Variants in ZNF385D observed in about 807,000 individuals in gnomAD.
ZNF385D encodes zinc finger protein 659.
In ZNF385D, 15 loss-of-function variants were observed where a neutral mutation model predicts 35.8. The ratio of observed to expected loss-of-function variants is 0.42; its 90% CI spans 0.28 to 0.64. The LOEUF is 0.64. ZNF385D is among the 30% of genes least tolerant of loss of function. ZNF385D has a pLI of 0.23. For synonymous variants in ZNF385D, 212 were observed against 186.8 expected (o/e 1.13, Z -1.10); for missense variants, 474 against 494.6 (o/e 0.96, Z 0.39).
At chr3:22,225,420 G>A (rs9837348) in intron 2 of ZNF385D, among the ~76,000 whole-genome samples, 14,906 of 152,174 alleles carry the variant, frequency 0.098, 1,957 homozygotes, top group African/African-American at 0.3. Context: ...TGGCAGGTCA[G>A]AAGTGCCAGA....
Position 22,300,631 on chromosome 3 carries a change from T to C in ZNF385D, c.106+71819A>G, listed in dbSNP as rs150616935. 1.4e-3 allele frequency among the ~76,000 whole-genome samples: 216 copies of C among 151,916 alleles called. 1 individual carries two copies. Among genetic ancestry groups the C allele is most frequent in the African/African-American group, 4.9e-3 (203 of 41,490 alleles). On this transcript the variant is annotated intron_variant, in intron 2 of 5. Transcript: ENST00000494108. ...ACCCAATTTATAAATGGGTAAAGGA[T>C]AGAAATAGACATTTTTCTAAAGAAG...
intron 3 of ZNF385D, among the ~76,000 whole-genome samples, chr3:21,892,610 G>T (rs1436785458): frequency 6.6e-6 from 1 of 152,076 alleles, no homozygotes; most frequent in East Asian, 1.9e-4. Flanking sequence ...ACCAAAACAA[G>T]TCCTATTTAT....
At chr3:22,248,500 A>G (rs1243454394) in intron 2 of ZNF385D, among the ~76,000 whole-genome samples, 1 of 152,168 alleles carries the variant, frequency 6.6e-6, no homozygotes, top group East Asian at 1.9e-4. Flanking sequence ...TTATTTATAT[A>G]CAATTTAGAC....
At chr3:21,820,026 T>C (rs1040782027) in intron 3 of ZNF385D, among the ~76,000 whole-genome samples, 7 of 151,146 alleles carry the variant, frequency 4.6e-5, no homozygotes, top group Non-Finnish European at 1.0e-4. Flanking sequence ...ATTTTAGTAA[T>C]AGATTAAGCA....
intron 2 of ZNF385D, among the ~76,000 whole-genome samples, chr3:22,284,494 C>T (rs1486592708): frequency 6.6e-6 from 1 of 151,910 alleles, no homozygotes; most frequent in Non-Finnish European, 1.5e-5. Flanking sequence ...CTGTCCCCAA[C>T]ACAGGATTTT....
intron 3 of ZNF385D, among the ~76,000 whole-genome samples, chr3:21,857,630 C>A (rs1323312878): frequency 1.3e-5 from 2 of 151,760 alleles, no homozygotes; most frequent in African/African-American, 4.8e-5. Context: ...GAGTTGCAGC[C>A]TCAGAGGGAA....
At chr3:22,248,275 A>T (rs899671119) in intron 2 of ZNF385D, among the ~76,000 whole-genome samples, 1 of 152,164 alleles carries the variant, frequency 6.6e-6, no homozygotes, top group African/African-American at 2.4e-5. Flanking sequence ...AAGACCACAC[A>T]CAGTTGTATG....
chr3:22,147,273 T>A (rs892921861), intron 3 of ZNF385D, among the ~76,000 whole-genome samples: 1 of 152,188 alleles, frequency 6.6e-6, no homozygotes, highest in African/African-American at 2.4e-5. Flanking sequence ...AATAACCATG[T>A]CTCTCCTACT....
At chr3:22,011,171 ACT>A (rs1025363186) in intron 3 of ZNF385D, among the ~76,000 whole-genome samples, 18 of 152,250 alleles carry the variant, frequency 1.2e-4, no homozygotes, top group African/African-American at 3.8e-4. Context: ...AGAAAATTCC[ACT>A]GTTTATTGTT....
At chr3:21,837,057 C>G (rs1414496555) in intron 3 of ZNF385D, among the ~76,000 whole-genome samples, 1 of 152,062 alleles carries the variant, frequency 6.6e-6, no homozygotes, top group Non-Finnish European at 1.5e-5. Flanking sequence ...GGTATGTATC[C>G]TTAAAGCTCT....
At position 21,426,760 on chromosome 3, in the gene ZNF385D, G is replaced by A. The variant is rs1701045038; in HGVS notation, c.674-1090C>T. 2.0e-5 allele frequency among the ~76,000 whole-genome samples: 3 copies of A among 152,090 alleles called. No homozygotes were observed. The South Asian group carries it at 6.2e-4, about 32-fold the overall frequency. On this transcript the variant is annotated intron_variant, in intron 5 of 7. Coordinates refer to ENST00000281523, the MANE Select transcript of ZNF385D (RefSeq NM_024697.3). ...CTTCCCAGAACCACTAAATGTTAAT[G>A]AGGAAAATATATTGTGAAGGGCACT...
chr3:22,319,148 A>G (rs1704060458), intron 2 of ZNF385D, among the ~76,000 whole-genome samples: 1 of 152,110 alleles, frequency 6.6e-6, no homozygotes, highest in African/African-American at 2.4e-5. Flanking sequence ...ACAATAGATG[A>G]TAGATTTTAG....
intron 3 of ZNF385D, among the ~76,000 whole-genome samples, chr3:21,913,021 G>T (rs1427868012): frequency 1.3e-5 from 2 of 152,084 alleles, no homozygotes; most frequent in African/African-American, 4.8e-5. Context: ...TTCTGGATGG[G>T]ATTCTCACTT....
At chr3:22,241,316 T>C (rs1208137638) in intron 2 of ZNF385D, among the ~76,000 whole-genome samples, 2 of 151,084 alleles carry the variant, frequency 1.3e-5, no homozygotes, top group Non-Finnish European at 2.9e-5. Context: ...GAGGACAGTG[T>C]TCCCTTGCAC....
At chr3:21,474,904 A>C (rs1479371389) in intron 4 of ZNF385D, among the ~76,000 whole-genome samples, 1 of 152,092 alleles carries the variant, frequency 6.6e-6, no homozygotes, top group Non-Finnish European at 1.5e-5. Flanking sequence ...ACTAAGACAT[A>C]TCTGGTGTAA....
At chr3:21,758,913 AC>A (rs1421045656) in intron 3 of ZNF385D, among the ~76,000 whole-genome samples, 1 of 133,932 alleles carries the variant, frequency 7.5e-6, no homozygotes, top group Non-Finnish European at 1.5e-5. Context: ...GTAGTCCCAG[AC>A]CACCTAGTAT....
chr3:22,205,660 T>A (rs778196244), intron 2 of ZNF385D, among the ~76,000 whole-genome samples: 1 of 152,066 alleles, frequency 6.6e-6, no homozygotes, highest in Non-Finnish European at 1.5e-5. Context: ...TGTTTGTTTA[T>A]GCAACAGTGT....
intron 2 of ZNF385D, among the ~76,000 whole-genome samples, chr3:21,618,421 C>T (rs1486974803): frequency 6.6e-6 from 1 of 152,150 alleles, no homozygotes; most frequent in African/African-American, 2.4e-5. Flanking sequence ...CCAGTCTTGC[C>T]ATACCCAGTG....
At chr3:22,193,451 C>T (rs1398955416) in intron 2 of ZNF385D, among the ~76,000 whole-genome samples, 5 of 152,008 alleles carry the variant, frequency 3.3e-5, no homozygotes, top group Admixed American at 1.3e-4. Flanking sequence ...ATGATATTAA[C>T]GAATATTACA....
Sources: gnomAD v4.1 joint callset for allele counts (sites outside exome capture counted in the v4.1 genomes callset) on GRCh38, gnomAD v4.1.1 for gene constraint, MANE v1.5 for transcripts, NCBI Gene and HGNC (gene_info 2026-07-23, HGNC 2026-07-21) for gene names.